The following ZNF536 variants were observed in gnomAD, a reference collection of about 807,000 sequenced individuals.
ZNF536 encodes the protein zinc finger protein 536.
Under a neutral mutation model 84.5 loss-of-function variants are expected in ZNF536, and 13 were observed. That is an observed-to-expected ratio of 0.15 (90% CI 0.10 to 0.24). The LOEUF (loss-of-function observed/expected upper bound fraction) is 0.24, where lower values mean the gene tolerates loss of function less well. Among genes scored for constraint, ZNF536 ranks in the 10% least tolerant of loss-of-function variants. The pLI is 1.00. For synonymous variants in ZNF536, 811 were observed against 742.5 expected (o/e 1.09, Z -1.50); for missense variants, 1,536 against 1,747.5 (o/e 0.88, Z 2.16).
chr19:30,658,098 C>T lies in ZNF536; in HGVS notation c.170-52659C>T, dbSNP rs182875340. On this transcript the variant is annotated intron_variant, in intron 1 of 1. Transcript: ENST00000592773. Reference sequence around the variant, plus strand: ...AGTGCAGTGGCGCAATCTCGGCTCACTGCAACCTCTGCCTCCCAGGTTCAA... The same window carrying T: ...AGTGCAGTGGCGCAATCTCGGCTCATTGCAACCTCTGCCTCCCAGGTTCAA... Among the ~76,000 whole-genome samples the T allele has an allele frequency of 7.3e-5, 11 of 151,132 alleles. No homozygotes were observed. The East Asian group carries it at 2.2e-3, about 30-fold the overall frequency.
At chr19:30,587,597 A>C (rs577925492) in intron 1 of ZNF536, among the ~76,000 whole-genome samples, 1 of 152,232 alleles carries the variant, frequency 6.6e-6, no homozygotes, top group Admixed American at 6.5e-5. Flanking sequence ...GCATGCCATC[A>C]CTCATACCCT....
chr19:30,445,187 A>G lies in ZNF536; in HGVS notation c.1625A>G (p.His542Arg), dbSNP rs768800617. 8.1e-6 allele frequency: 13 copies of G among 1,614,186 alleles called. No individual in the cohort carries two copies. The South Asian group carries it at 1.4e-4, about 18-fold the overall frequency. The change falls in exon 2 of 5, where the codon CAT (histidine) becomes CGT (arginine). Residue 542 changes from histidine (H) to arginine (R), a missense_variant. Coordinates refer to ENST00000355537, the MANE Select transcript of ZNF536 (RefSeq NM_014717.3). This position sits in a 1 kb window ranked among gnomAD's most constrained non-coding sequence, Gnocchi z 4.5. ...GAACATGGCTTCTTGTCTAAAGAGC[A>G]TCCGCTGCAGCGCAACCACGAAGAC... ...AMEHGFLSKE[H>R]PLQRNHEDTL... is the part of the protein sequence containing the mutation.
At chr19:30,383,045 T>A (rs1193521780) in intron 1 of ZNF536, among the ~76,000 whole-genome samples, 1 of 152,058 alleles carries the variant, frequency 6.6e-6, no homozygotes, top group Non-Finnish European at 1.5e-5. Context: ...AGCCCAGCAC[T>A]TTGGAAGGTC....
chr19:30,246,136 C>T (rs752708666), intron 1 of ZNF536, among the ~76,000 whole-genome samples: 1 of 152,148 alleles, frequency 6.6e-6, no homozygotes, highest in Non-Finnish European at 1.5e-5. Context: ...TTCAACGAGA[C>T]ACTCGAATCA....
intron 2 of ZNF536, among the ~76,000 whole-genome samples, chr19:30,297,767 G>C (rs1046973769): frequency 1.3e-5 from 2 of 152,158 alleles, no homozygotes; most frequent in African/African-American, 4.8e-5. Context: ...GAACCTGCCT[G>C]TATTGTTATG....
chr19:30,283,955 T>C (rs924107117), intron 1 of ZNF536: 2 of 152,226 alleles, frequency 1.3e-5, no homozygotes, highest in African/African-American at 4.8e-5. Flanking sequence ...GCTATTCAAG[T>C]TTTTTAGGCT....
intron 1 of ZNF536, among the ~76,000 whole-genome samples, chr19:30,597,117 T>C (rs1046722462): frequency 6.6e-6 from 1 of 152,198 alleles, no homozygotes; most frequent in Admixed American, 6.5e-5. Context: ...TCTTGAAAGA[T>C]CTCTGTCCCT....
intron 1 of ZNF536, among the ~76,000 whole-genome samples, chr19:30,582,311 C>CTCTACAT (rs2046948226): frequency 6.6e-6 from 1 of 151,202 alleles, no homozygotes; most frequent in South Asian, 2.1e-4. Context: ...GAAAACAATT[C>CTCTACAT]TCTACATGCT....
chr19:30,617,473 C>T (rs2147107849), intron 1 of ZNF536, among the ~76,000 whole-genome samples: 1 of 150,698 alleles, frequency 6.6e-6, no homozygotes, highest in Admixed American at 6.6e-5. Flanking sequence ...GCCTCAGCCT[C>T]CCAAGTAACT....
At chr19:30,495,740 C>T (rs2054693461) in intron 2 of ZNF536, among the ~76,000 whole-genome samples, 1 of 152,194 alleles carries the variant, frequency 6.6e-6, no homozygotes, top group East Asian at 1.9e-4. Context: ...CCCAAGTGTG[C>T]AGTCAGGCTG....
At chr19:30,637,448 C>G (rs763778162) in intron 1 of ZNF536, among the ~76,000 whole-genome samples, 3 of 152,184 alleles carry the variant, frequency 2.0e-5, no homozygotes, top group Non-Finnish European at 2.9e-5. Context: ...CCAAAGAACT[C>G]TTCTATTTTG....
chr19:30,348,178 A>G (rs1428858423), intron 2 of ZNF536, among the ~76,000 whole-genome samples: 4 of 152,172 alleles, frequency 2.6e-5, no homozygotes, highest in Non-Finnish European at 5.9e-5. Flanking sequence ...TCACCTCTTC[A>G]TACATTTGTT....
At chr19:30,603,612 TAGAA>T (rs1257755823) in intron 1 of ZNF536, among the ~76,000 whole-genome samples, 1 of 152,124 alleles carries the variant, frequency 6.6e-6, no homozygotes, top group Non-Finnish European at 1.5e-5. Context: ...AAATTAATTT[TAGAA>T]AGGAAAACAA....
In ZNF536 at chr19:30,492,858, TCACAGAC is replaced by T. The variant is rs746140693; in HGVS notation, c.2171-41981_2171-41975del. On this transcript the variant is annotated intron_variant, in intron 2 of 4. Transcript: ENST00000355537. The stretch of plus-strand genomic sequence containing the variant: ...CTAGCCAGCCCTATCAGGACCAGGT[TCACAGAC>T]CACAGACGCCCTGAGCTTGAATTTC... Among the ~76,000 whole-genome samples, 191 of 152,290 alleles carry T rather than the reference TCACAGAC, an allele frequency of 1.3e-3. 2 individuals are homozygous for T. The highest frequency in any genetic ancestry group is 2.1e-3 in the Non-Finnish European group (144 of 68,030).
At chr19:30,310,531 A>G (rs1219548279) in intron 2 of ZNF536, among the ~76,000 whole-genome samples, 3 of 152,192 alleles carry the variant, frequency 2.0e-5, no homozygotes, top group Non-Finnish European at 4.4e-5. Context: ...AGTGCCTTCA[A>G]TTTCTTAATG....
intron 2 of ZNF536, among the ~76,000 whole-genome samples, chr19:30,493,886 G>T (rs2054610392): frequency 1.3e-5 from 2 of 151,950 alleles, no homozygotes; most frequent in African/African-American, 4.8e-5. Context: ...AGTTTTCTAG[G>T]GTGCTCCTCA....
chr19:30,353,360 G>A (rs1419270449), intron 3 of ZNF536, among the ~76,000 whole-genome samples: 3 of 152,260 alleles, frequency 2.0e-5, no homozygotes, highest in South Asian at 2.1e-4. Context: ...TATCTGCAGC[G>A]TAAGAGTGGG....
intron 1 of ZNF536, among the ~76,000 whole-genome samples, chr19:30,273,641 T>C (rs1377843050): frequency 1.3e-5 from 2 of 152,214 alleles, no homozygotes; most frequent in African/African-American, 4.8e-5. Context: ...ATACCAGTCC[T>C]TTATCAGATA....
At chr19:30,508,910 C>G (rs1004712834) in intron 2 of ZNF536, among the ~76,000 whole-genome samples, 1 of 147,346 alleles carries the variant, frequency 6.8e-6, no homozygotes, top group Non-Finnish European at 1.5e-5. Context: ...TCACTGCAGC[C>G]TTGACCTCCT....
Sources: allele counts gnomAD v4.1 joint callset (sites outside exome capture counted in the v4.1 genomes callset), GRCh38; gene constraint gnomAD v4.1.1; non-coding constraint Gnocchi (gnomAD v3.1); transcripts MANE v1.5; gene names NCBI Gene and HGNC (gene_info 2026-07-23, HGNC 2026-07-21).